PPP1R12B: variants seen among roughly 807,000 people sequenced by gnomAD.
The protein encoded by PPP1R12B is myosin phosphatase target subunit 2.
In PPP1R12B, 76 loss-of-function variants were observed where a neutral mutation model predicts 126.1. The observed-to-expected ratio is 0.60, with a 90% CI of 0.50 to 0.73. The LOEUF is 0.73. Ranked by LOEUF, PPP1R12B falls within the 30% of genes least tolerant of loss-of-function variation. PPP1R12B has a pLI of 0.00. For missense variants in PPP1R12B, 1,052 were observed against 1,205.1 expected, an observed-to-expected ratio of 0.87 and a Z score of 1.88; for synonymous variants, 356 against 434.7, an observed-to-expected ratio of 0.82 and a Z score of 2.25.
intron 8 of PPP1R12B, among the ~76,000 whole-genome samples, chr1:202,432,579 A>G (rs1050933474): frequency 1.3e-5 from 2 of 152,120 alleles, no homozygotes; most frequent in African/African-American, 4.8e-5. Flanking sequence ...AGAGCTTCTT[A>G]AGTTTATTGT....
intron 18 of PPP1R12B, among the ~76,000 whole-genome samples, chr1:202,533,778 G>A (rs145608969): frequency 6.6e-5 from 10 of 152,312 alleles, no homozygotes; most frequent in Admixed American, 6.5e-4. Context: ...AGTTTGTCAT[G>A]TTACTAGTGG....
In PPP1R12B at chr1:202,442,444, C is replaced by A. The variant is rs1207162290; in HGVS notation, c.1542-3C>A. On this transcript the variant is annotated splice_region_variant and splice_polypyrimidine_tract_variant and intron_variant, in intron 11 of 23. Transcript: ENST00000608999. Reference sequence around the variant, plus strand: ...GTTTTGTTTTCCTTTCATGCTTCTACAGAGAATCAGCTGTTAATCTAGTGA... The same window carrying A: ...GTTTTGTTTTCCTTTCATGCTTCTAAAGAGAATCAGCTGTTAATCTAGTGA... 1.9e-6 allele frequency: 3 copies of A among 1,609,140 alleles called. No homozygotes were observed. The highest frequency in any genetic ancestry group is 2.7e-5 in the African/African-American group (2 of 74,774).
At chr1:202,381,400 G>GTA (rs1662245701) in intron 1 of PPP1R12B, among the ~76,000 whole-genome samples, 1 of 140,288 alleles carries the variant, frequency 7.1e-6, no homozygotes, top group Non-Finnish European at 1.5e-5. Flanking sequence ...GCTTTGGGGT[G>GTA]TGTGTGTGTG....
chr1:202,540,282 C>CA, intron 18 of PPP1R12B: 1 of 1,469,836 alleles, frequency 6.8e-7, no homozygotes, highest in Middle Eastern at 1.7e-4. Flanking sequence ...ATAGCTGTGT[C>CA]AAAGGTAGAG....
At chr1:202,556,223 G>T (rs1279719335) in intron 18 of PPP1R12B, among the ~76,000 whole-genome samples, 2 of 152,148 alleles carry the variant, frequency 1.3e-5, no homozygotes, top group Non-Finnish European at 2.9e-5. Context: ...AGGAATGGTG[G>T]CAGGGAAGCT....
chr1:202,420,240 G>A (rs758968277), intron 2 of PPP1R12B, among the ~76,000 whole-genome samples: 4 of 152,142 alleles, frequency 2.6e-5, no homozygotes, highest in East Asian at 1.9e-4. Flanking sequence ...TGGTTGCATC[G>A]AGGTACAGTG....
intron 13 of PPP1R12B, among the ~76,000 whole-genome samples, chr1:202,479,300 A>C (rs760027605): frequency 1.3e-5 from 2 of 152,206 alleles, no homozygotes; most frequent in African/African-American, 2.4e-5. Flanking sequence ...TTTATGTAAA[A>C]TCTTCCACTG....
intron 15 of PPP1R12B, among the ~76,000 whole-genome samples, chr1:202,494,459 C>A (rs897997069): frequency 6.6e-5 from 10 of 151,498 alleles, no homozygotes; most frequent in African/African-American, 2.2e-4. Flanking sequence ...TTATAAATCA[C>A]AAAAATGTGT....
Position 202,348,737 on chromosome 1 carries a change from G to A in PPP1R12B, c.-115G>A, listed in dbSNP as rs1282270610. On this transcript the variant is annotated 5_prime_UTR_variant, in exon 1 of 24. Transcript: ENST00000608999. ...GGAGGAGTAAAGATGGCGGCGCGAG[G>A]GTCTCCGCCCTCTGCTCCGGGCTGA... 14 of 1,335,008 alleles carry A rather than the reference G, an allele frequency of 1.0e-5. No individual in the cohort carries two copies. In the Admixed American group the frequency reaches 1.2e-4, roughly 11 times the overall value. 82.7% of individuals were successfully genotyped at this position (1,335,008 alleles called of 1,614,324 possible).
intron 18 of PPP1R12B, among the ~76,000 whole-genome samples, chr1:202,517,257 C>G (rs1212543840): frequency 6.6e-6 from 1 of 152,070 alleles, no homozygotes; most frequent in African/African-American, 2.4e-5. Context: ...TACAGCAGCA[C>G]CCACAGACAA....
intron 22 of PPP1R12B, 56 bp downstream of exon 22, chr1:202,567,887 C>T: frequency 2.5e-6 from 4 of 1,587,510 alleles, no homozygotes; most frequent in Non-Finnish European, 3.5e-6. Flanking sequence ...TTCTGACTCT[C>T]TCCCACTTTG....
chr1:202,389,182 C>T (rs1455247301), intron 1 of PPP1R12B, among the ~76,000 whole-genome samples: 5 of 151,902 alleles, frequency 3.3e-5, no homozygotes, highest in Non-Finnish European at 5.9e-5. Context: ...AACTAGGAAG[C>T]AAGGAAGAGG....
intron 14 of PPP1R12B, among the ~76,000 whole-genome samples, chr1:202,490,068 A>G (rs2148842606): frequency 6.6e-6 from 1 of 152,368 alleles, no homozygotes; most frequent in East Asian, 1.9e-4. Flanking sequence ...TTACAAGGGT[A>G]TGAAATCAAG....
chr1:202,480,983 G>C (rs1372583436), intron 13 of PPP1R12B, among the ~76,000 whole-genome samples: 1 of 152,188 alleles, frequency 6.6e-6, no homozygotes, highest in African/African-American at 2.4e-5. Context: ...GGGGGCATGG[G>C]GTGTGGGGGG....
chr1:202,407,092 A>G (rs1343818137), intron 1 of PPP1R12B, among the ~76,000 whole-genome samples: 2 of 152,192 alleles, frequency 1.3e-5, no homozygotes, highest in African/African-American at 4.8e-5. Context: ...ACTTTCAAAA[A>G]ACATGATTTG....
At chr1:202,546,086 C>T (rs1352056194) in intron 18 of PPP1R12B, among the ~76,000 whole-genome samples, 1 of 152,132 alleles carries the variant, frequency 6.6e-6, no homozygotes, top group Non-Finnish European at 1.5e-5. Flanking sequence ...GGAGGAGGGT[C>T]AGGACATGAT....
intron 1 of PPP1R12B, among the ~76,000 whole-genome samples, chr1:202,410,984 T>C (rs1241326829): frequency 6.6e-6 from 1 of 152,144 alleles, no homozygotes; most frequent in Non-Finnish European, 1.5e-5. Context: ...TTAGCCTGCT[T>C]CCCAAGAAAA....
chr1:202,374,062 G>A (rs1318060779), intron 1 of PPP1R12B, among the ~76,000 whole-genome samples: 8 of 152,142 alleles, frequency 5.3e-5, no homozygotes, highest in African/African-American at 1.9e-4. Context: ...AAAAGTGACA[G>A]TTATCAGCTG....
At chr1:202,422,945 C>A (rs529867145) in intron 3 of PPP1R12B, among the ~76,000 whole-genome samples, 273 of 152,314 alleles carry the variant, frequency 1.8e-3, no homozygotes, top group Admixed American at 2.7e-3. Flanking sequence ...GATGACCAAT[C>A]ATTCCTTGTT....
Sources: allele counts gnomAD v4.1 joint callset (sites outside exome capture counted in the v4.1 genomes callset), GRCh38; gene constraint gnomAD v4.1.1; transcripts MANE v1.5; gene names NCBI Gene and HGNC (gene_info 2026-07-23, HGNC 2026-07-21).